The following UBIAD1 variants were observed in gnomAD, a reference collection of about 807,000 sequenced individuals.
UBIAD1 encodes the protein ubiA prenyltransferase domain-containing protein 1.
A neutral mutation model predicts 20.1 loss-of-function variants in UBIAD1; 12 were observed. The ratio of observed to expected loss-of-function variants is 0.60; its 90% CI spans 0.38 to 0.97. UBIAD1 has a LOEUF of 0.97. Among genes scored for constraint, UBIAD1 ranks in the 50% least tolerant of loss-of-function variants. UBIAD1 has a pLI of 0.00. For synonymous variants in UBIAD1, 207 were observed against 189.2 expected (o/e 1.09, Z -0.77); for missense variants, 333 against 419.5 (o/e 0.79, Z 1.80).
chr1:11,291,248 G>A (rs1052797833), downstream of UBIAD1, among the ~76,000 whole-genome samples: 1 of 152,162 alleles, frequency 6.6e-6, no homozygotes, highest in Non-Finnish European at 1.5e-5. Context: ...TGTGGTGAGA[G>A]ATCAAGAACA....
downstream of UBIAD1, among the ~76,000 whole-genome samples, chr1:11,292,668 TACACACACACAC>T (rs71568319): frequency 3.9e-4 from 55 of 140,738 alleles, no homozygotes; most frequent in Admixed American, 7.9e-4. Flanking sequence ...ATTTTATGTA[TACACACACACAC>T]ACACACACAC....
In UBIAD1 at chr1:11,273,411, T is replaced by C; in HGVS notation, c.-121T>C. The C allele has an allele frequency of 7.7e-7, 1 of 1,303,020 alleles. No individual in the cohort carries two copies. Among genetic ancestry groups the C allele is most frequent in the Non-Finnish European group, 1.1e-6 (1 of 927,210 alleles). 80.7% of individuals were successfully genotyped at this position (1,303,020 alleles called of 1,614,324 possible). A position where few individuals can be genotyped will look rare whatever the true frequency, so the allele number is the denominator to read the frequency against. On this transcript the variant is annotated 5_prime_UTR_variant, in exon 1 of 2. Transcript: ENST00000376810. The surrounding 1 kb of genome is among the most constrained non-coding windows in gnomAD (Gnocchi z 4.9). ...CCGGACCTTGCCGCCACACCAGCCCTGTCCTGGGGCGGAACCGAAGGAAGG... is the reference window on the plus strand; with the variant it reads ...CCGGACCTTGCCGCCACACCAGCCCCGTCCTGGGGCGGAACCGAAGGAAGG...
At chr1:11,290,700 C>T (rs1638353550), downstream of UBIAD1, among the ~76,000 whole-genome samples, 1 of 152,206 alleles carries the variant, frequency 6.6e-6, no homozygotes, top group South Asian at 2.1e-4. Flanking sequence ...ACCACCAGGC[C>T]AGGTGTGGTG....
intron 1 of UBIAD1, among the ~76,000 whole-genome samples, chr1:11,277,409 AG>A (rs1358674410): frequency 2.9e-4 from 43 of 150,198 alleles, no homozygotes; most frequent in African/African-American, 9.8e-4. Flanking sequence ...TAATCCCAGT[AG>A]CTGGGATTAC....
downstream of UBIAD1, chr1:11,295,630 C>T (rs549853699): frequency 6.6e-6 from 1 of 152,424 alleles, no homozygotes; most frequent in South Asian, 2.1e-4. Context: ...TCCTGCGAGT[C>T]AGGGGAGCCC....
chr1:11,288,912 A>AT (rs891340954), downstream of UBIAD1, among the ~76,000 whole-genome samples: 6 of 133,124 alleles, frequency 4.5e-5, no homozygotes, highest in African/African-American at 1.6e-4. Context: ...ACACTGTCTC[A>AT]AAAAAAAAAA....
Position 11,285,045 on chromosome 1 carries a change from C to T in UBIAD1, c.530-599C>T, listed in dbSNP as rs530961371. Among the ~76,000 whole-genome samples, 2 of 152,284 alleles carry T rather than the reference C, an allele frequency of 1.3e-5. No homozygotes were observed. Among genetic ancestry groups the T allele is most frequent in the African/African-American group, 4.8e-5 (2 of 41,566 alleles). ...GGTAGGGGTGGTTTAGTTTCAATCT[C>T]ATAGGAGACAGAGGAGGAAAGCAGC... On this transcript the variant is annotated intron_variant, in intron 1 of 1. Transcript: ENST00000376810. This position sits in a 1 kb window ranked among gnomAD's most constrained non-coding sequence, Gnocchi z 4.4.
chr1:11,274,573 A>G (rs1003224448), intron 1 of UBIAD1, among the ~76,000 whole-genome samples: 1 of 151,708 alleles, frequency 6.6e-6, no homozygotes, highest in African/African-American at 2.4e-5. Context: ...CTAAGATTAC[A>G]GGCGTGAGCC....
downstream of UBIAD1, among the ~76,000 whole-genome samples, chr1:11,290,023 C>T (rs1638339471): frequency 6.6e-6 from 1 of 152,086 alleles, no homozygotes; most frequent in South Asian, 2.1e-4. Flanking sequence ...AGCCACCGCA[C>T]CTGGCATAAT....
rs771096535 is a variant in UBIAD1 at position 11,273,930 on chromosome 1, G to C, written c.399G>C (p.Arg133=). The part of the protein sequence containing the change: ...DRILEPQDVV[R]FGVFLYTLGC... ...TCTTGGAGCCGCAGGATGTCGTCCG[G>C]TTCGGAGTCTTCCTCTACACGTTGG... is the stretch of plus-strand genomic sequence containing the variant. The change falls in exon 1 of 2, where the codon CGG becomes CGC. Residue 133 remains arginine (R), a synonymous_variant. Coordinates refer to ENST00000376810, the MANE Select transcript of UBIAD1 (RefSeq NM_013319.3). This position sits in a 1 kb window ranked among gnomAD's most constrained non-coding sequence, Gnocchi z 4.9. The C allele has an allele frequency of 1.9e-6, 3 of 1,614,228 alleles. No individual in the cohort carries two copies. The highest frequency in any genetic ancestry group is 3.3e-5 in the Admixed American group (2 of 60,028).
downstream of UBIAD1, among the ~76,000 whole-genome samples, chr1:11,298,001 C>T (rs1638474772): frequency 6.6e-6 from 1 of 151,348 alleles, no homozygotes; most frequent in South Asian, 2.1e-4. This position sits in a 1 kb window ranked among gnomAD's most constrained non-coding sequence, Gnocchi z 4.0. Flanking sequence ...GCTCTTGTTG[C>T]CCAGGCTGAA....
intron 1 of UBIAD1, chr1:11,294,864 C>G (rs1638422840): frequency 1.4e-6 from 1 of 717,398 alleles, no homozygotes. Context: ...TTCGTCTCGT[C>G]TCTTCCAGTC....
chr1:11,292,730 C>T (rs1638387656), downstream of UBIAD1, among the ~76,000 whole-genome samples: 1 of 151,240 alleles, frequency 6.6e-6, no homozygotes, highest in African/African-American at 2.4e-5. Context: ...GTTGATTTCA[C>T]CTCGAAAGCC....
At chr1:11,280,513 C>T (rs1314619811) in intron 1 of UBIAD1, among the ~76,000 whole-genome samples, 1 of 152,196 alleles carries the variant, frequency 6.6e-6, no homozygotes, top group African/African-American at 2.4e-5. Context: ...AGAACTGTCT[C>T]ATAAACATCT....
At chr1:11,298,605 TA>T (rs1469554742), downstream of UBIAD1, among the ~76,000 whole-genome samples, 1 of 151,086 alleles carries the variant, frequency 6.6e-6, no homozygotes, top group Non-Finnish European at 1.5e-5. This position sits in a 1 kb window ranked among gnomAD's most constrained non-coding sequence, Gnocchi z 4.0. Flanking sequence ...AATAAATAAA[TA>T]AAAGTTTCCC....
At chr1:11,292,571 G>A (rs555098565), downstream of UBIAD1, among the ~76,000 whole-genome samples, 5 of 152,160 alleles carry the variant, frequency 3.3e-5, no homozygotes, top group South Asian at 6.2e-4. Context: ...TACAAGAGCC[G>A]TGTTGACATT....
intron 1 of UBIAD1, among the ~76,000 whole-genome samples, chr1:11,282,589 G>A (rs1195171483): frequency 7.0e-6 from 1 of 143,054 alleles, no homozygotes; most frequent in South Asian, 2.3e-4. Context: ...AAAAGACAGA[G>A]TTTAGCTCTT....
chr1:11,285,957 C>T lies in UBIAD1; in HGVS notation c.843C>T (p.Ile281=). The change falls in exon 2 of 2, where the codon ATC becomes ATT. Residue 281 remains isoleucine (I), a synonymous_variant. Coordinates refer to ENST00000376810, the MANE Select transcript of UBIAD1 (RefSeq NM_013319.3). The surrounding 1 kb of genome is among the most constrained non-coding windows in gnomAD (Gnocchi z 4.4). ...VFSILATHCT[I]SLALPLLTIP... is the part of the protein sequence containing the mutation. ...GCATCCTGGCCACACACTGCACCAT[C>T]AGCCTGGCACTCCCCCTGCTTACCA... 6.2e-7 allele frequency: 1 copy of T among 1,614,226 alleles called. No homozygotes were observed. Among genetic ancestry groups the T allele is most frequent in the Non-Finnish European group, 8.5e-7 (1 of 1,180,040 alleles).
downstream of UBIAD1, among the ~76,000 whole-genome samples, chr1:11,288,627 A>G (rs900155744): frequency 1.3e-5 from 2 of 152,166 alleles, no homozygotes; most frequent in African/African-American, 4.8e-5. Flanking sequence ...GGCAGCAGGG[A>G]CTGGGCATGG....
Sources: gnomAD v4.1 joint callset for allele counts (sites outside exome capture counted in the v4.1 genomes callset) on GRCh38, gnomAD v4.1.1 for gene constraint, Gnocchi (gnomAD v3.1) non-coding constraint, MANE v1.5 for transcripts, NCBI Gene and HGNC (gene_info 2026-07-23, HGNC 2026-07-21) for gene names.